The following PLXNA2 variants were observed in gnomAD, a reference collection of about 807,000 sequenced individuals.
PLXNA2 encodes the protein plexin A2.
In PLXNA2, 91 loss-of-function variants were observed where a neutral mutation model predicts 193.5. The ratio of observed to expected loss-of-function variants is 0.47; its 90% confidence interval spans 0.40 to 0.56. The LOEUF is 0.56. Ranked by LOEUF, PLXNA2 falls within the 20% of genes least tolerant of loss-of-function variation. The pLI, the probability that PLXNA2 is intolerant of heterozygous loss-of-function variation, is 0.00. For missense variants in PLXNA2, 1,995 were observed against 2,503.2 expected (o/e 0.80, Z 4.33); for synonymous variants, 997 against 1,027.3 (o/e 0.97, Z 0.56).
chr1:208,033,769 C>A (rs1224716588), intron 27 of PLXNA2, among the ~76,000 whole-genome samples: 1 of 152,100 alleles, frequency 6.6e-6, no homozygotes, highest in Non-Finnish European at 1.5e-5. Context: ...TTTGGGAGTC[C>A]CCTCTACTCT....
rs751893998 is a variant in PLXNA2, at chr1:208,168,723, G to GTTTTTTTTTTTTTTTTTTTTTTTT, written c.1372-26261_1372-26260insAAAAAAAAAAAAAAAAAAAAAAAA. Among the ~76,000 whole-genome samples, 10 of 102,238 alleles carry GTTTTTTTTTTTTTTTTTTTTTTTT rather than the reference G, an allele frequency of 9.8e-5. 3 individuals are homozygous for GTTTTTTTTTTTTTTTTTTTTTTTT. The East Asian group carries it at 1.2e-3, about 12-fold the overall frequency. 67.1% of individuals were successfully genotyped at this position (102,238 alleles called of 152,430 possible). A position where few individuals can be genotyped will look rare whatever the true frequency, so the allele number is the denominator to read the frequency against. ...CAAAAAGAAGACAAAGAGTATGCGG[G>GTTTTTTTTTTTTTTTTTTTTTTTT]GTTTTTTTTTTTTTTTTTTTTTTTT... is the stretch of plus-strand genomic sequence containing the variant. On this transcript the variant is annotated intron_variant, in intron 3 of 31. Transcript: ENST00000367033.
chr1:208,103,580 G>A (rs1457812094), intron 4 of PLXNA2, among the ~76,000 whole-genome samples: 1 of 152,220 alleles, frequency 6.6e-6, no homozygotes, highest in Non-Finnish European at 1.5e-5. Flanking sequence ...TCTGTTGAAA[G>A]GCTATTGAGT....
intron 5 of PLXNA2, among the ~76,000 whole-genome samples, chr1:208,099,336 C>T (rs529812368): frequency 2.0e-5 from 3 of 152,256 alleles, no homozygotes; most frequent in Admixed American, 6.5e-5. Flanking sequence ...AGTGCGGGAG[C>T]GGGCCTGAGC....
chr1:208,118,548 G>T (rs921081765), intron 4 of PLXNA2, among the ~76,000 whole-genome samples: 13 of 152,176 alleles, frequency 8.5e-5, no homozygotes, highest in African/African-American at 2.9e-4. Context: ...TCCTGCCTGG[G>T]CAATCAACGG....
At chr1:208,130,548 C>A (rs1401205030) in intron 4 of PLXNA2, among the ~76,000 whole-genome samples, 1 of 152,208 alleles carries the variant, frequency 6.6e-6, no homozygotes, top group Non-Finnish European at 1.5e-5. Flanking sequence ...ATTCCATACA[C>A]ATTCATGGCT....
At chr1:208,233,752 TGA>T (rs1215688064) in intron 1 of PLXNA2, among the ~76,000 whole-genome samples, 2 of 152,230 alleles carry the variant, frequency 1.3e-5, no homozygotes, top group African/African-American at 4.8e-5. Context: ...CTGTGAATGC[TGA>T]GTCTATAGAG....
rs1671144150 is a variant in PLXNA2, at chr1:208,216,815, G to A, written c.1108C>T (p.Arg370Cys). 2.3e-5 allele frequency: 37 copies of A among 1,614,050 alleles called. No homozygotes were observed. The highest frequency in any genetic ancestry group is 3.1e-5 in the Non-Finnish European group (36 of 1,180,044). ...TCGCCCTGGTAGCAGGACTGCAGGC[G>A]CTCCTTGATCTGCAAGTTGATGGCC... Reference protein sequence around the residue: ...IRAINLQIKERLQSCYQGEGN... With the variant: ...IRAINLQIKECLQSCYQGEGN... The change falls in exon 2 of 32, where the codon CGC becomes TGC. Residue 370 changes from arginine (R) to cysteine (C), a missense_variant. Arg to Cys is a radical substitution (Grantham distance 180). Around this residue, in one of 3 missense-constraint regions of PLXNA2, gnomAD observed 702 missense variants for 812.9 expected, o/e 0.86. Coordinates refer to ENST00000367033, the MANE Select transcript of PLXNA2 (RefSeq NM_025179.4).
chr1:208,095,613 A>G, intron 8 of PLXNA2, among the ~76,000 whole-genome samples: 1 of 151,982 alleles, frequency 6.6e-6, no homozygotes, highest in African/African-American at 2.4e-5. Context: ...GACTGTGTGC[A>G]TAGCCGAGTC....
At position 208,028,871 on chromosome 1, in the gene PLXNA2, G is replaced by A. The variant is rs894748074; in HGVS notation, c.5397C>T (p.Leu1799=). 2 of 1,614,194 alleles carry A rather than the reference G, an allele frequency of 1.2e-6. No individual in the cohort carries two copies. Among genetic ancestry groups the A allele is most frequent in the South Asian group, 1.1e-5 (1 of 91,080 alleles). The stretch of plus-strand genomic sequence containing the variant: ...TGTAGCTGGGGATGTCCTTGGCATA[G>A]AGCAGCTTGTTGGAGGGGGAGTCCT... The part of the protein sequence containing the change: ...LGKDSPSNKL[L]YAKDIPSYKS... The change falls in exon 30 of 32, where the codon CTC becomes CTT. Residue 1799 remains leucine (L), a synonymous_variant. Coordinates refer to ENST00000367033, the MANE Select transcript of PLXNA2 (RefSeq NM_025179.4). The surrounding 1 kb of genome is among the most constrained non-coding windows in gnomAD (Gnocchi z 4.2).
rs1483941649 is a variant in PLXNA2, at chr1:208,038,715, C to T, written c.4660+110G>A. 1.7e-6 allele frequency: 2 copies of T among 1,185,160 alleles called. No homozygotes were observed. The highest frequency in any genetic ancestry group is 3.8e-5 in the Admixed American group (2 of 52,332). 73.4% of individuals were successfully genotyped at this position (1,185,160 alleles called of 1,614,324 possible). A position where few individuals can be genotyped will look rare whatever the true frequency, so the allele number is the denominator to read the frequency against. The stretch of plus-strand genomic sequence containing the variant: ...CAAAGCGGGAAGCATTTCACACGGG[C>T]CTCAGCTGGCCAGGACACAGTCATG... On this transcript the variant is annotated intron_variant, in intron 25 of 31. Transcript: ENST00000367033. The surrounding 1 kb of genome is among the most constrained non-coding windows in gnomAD (Gnocchi z 4.1).
intron 4 of PLXNA2, among the ~76,000 whole-genome samples, chr1:208,117,666 G>A (rs1379346792): frequency 6.6e-6 from 1 of 152,202 alleles, no homozygotes; most frequent in Non-Finnish European, 1.5e-5. Context: ...AGCCCTGTAA[G>A]AGTCAGAAAT....
chr1:208,031,634 G>C lies in PLXNA2; in HGVS notation c.5181C>G (p.His1727Gln). 1 of 1,614,026 alleles carries C rather than the reference G, an allele frequency of 6.2e-7. No homozygotes were observed. Among genetic ancestry groups the C allele is most frequent in the Non-Finnish European group, 8.5e-7 (1 of 1,180,002 alleles). Reference protein sequence around the residue: ...FDFLDEQADRHSIHDTDVRHT... With the variant: ...FDFLDEQADRQSIHDTDVRHT... ...GCCGCACATCTGTGTCATGGATGCT[G>C]TGCCTGTCTGCCTGCTCATCTAGGA... The change falls in exon 29 of 32, where the codon CAC (histidine) becomes CAG (glutamine). Residue 1727 changes from histidine to glutamine, a missense_variant. Around this residue, in one of 3 missense-constraint regions of PLXNA2, gnomAD observed 1,291 missense variants for 1,673.6 expected, o/e 0.77. Transcript: ENST00000367033.
At chr1:208,040,107 C>G in intron 22 of PLXNA2, 49 bp from the exon 23 acceptor site, 1 of 1,462,716 alleles carries the variant, frequency 6.8e-7, no homozygotes, top group Non-Finnish European at 9.6e-7. Flanking sequence ...GAGGGGTCTC[C>G]GTGGTGGGGC....
chr1:208,093,489 G>A (rs1281746433), intron 8 of PLXNA2, among the ~76,000 whole-genome samples: 2 of 152,188 alleles, frequency 1.3e-5, no homozygotes, highest in East Asian at 3.8e-4. Flanking sequence ...CTATGCCACA[G>A]GGCTGTTTGG....
chr1:208,229,187 T>C (rs1022915361), intron 1 of PLXNA2, among the ~76,000 whole-genome samples: 1 of 152,138 alleles, frequency 6.6e-6, no homozygotes, highest in South Asian at 2.1e-4. Flanking sequence ...TAAAAACTGC[T>C]AGTTTTTAAT....
rs997417914 is a variant in PLXNA2 at position 208,238,831 on chromosome 1, G to C, written c.-81+4812C>G. Reference sequence around the variant, plus strand: ...GATGGGAAGCATGTGAAGGCCCCTCGGGGTTGGGTCAGAAACTTCTGTTGC... The same window carrying C: ...GATGGGAAGCATGTGAAGGCCCCTCCGGGTTGGGTCAGAAACTTCTGTTGC... On this transcript the variant is annotated intron_variant, in intron 1 of 31. Transcript: ENST00000367033. Among the ~76,000 whole-genome samples, 3 of 152,316 alleles carry C rather than the reference G, an allele frequency of 2.0e-5. No individual in the cohort carries two copies. The South Asian group carries it at 6.2e-4, about 32-fold the overall frequency.
chr1:208,059,983 T>C (rs866803553), intron 13 of PLXNA2, among the ~76,000 whole-genome samples: 6 of 152,132 alleles, frequency 3.9e-5, no homozygotes, highest in Non-Finnish European at 8.8e-5. Flanking sequence ...GTGTTCACAG[T>C]GGAATCAGAA....
intron 12 of PLXNA2, among the ~76,000 whole-genome samples, chr1:208,066,942 G>T (rs1266035143): frequency 6.6e-6 from 1 of 152,138 alleles, no homozygotes; most frequent in African/African-American, 2.4e-5. Context: ...ATAGAATAAG[G>T]ATATAAAGAA....
intron 4 of PLXNA2, among the ~76,000 whole-genome samples, chr1:208,113,015 A>AC (rs1053032030): frequency 2.0e-5 from 3 of 151,340 alleles, no homozygotes; most frequent in Non-Finnish European, 4.4e-5. Context: ...CAAAAAAAAA[A>AC]AAAAAAAAAC....
Sources: gnomAD v4.1 joint callset for allele counts (sites outside exome capture counted in the v4.1 genomes callset) on GRCh38, gnomAD v4.1.1 for gene constraint, gnomAD v4.1.1 regional missense constraint, Gnocchi (gnomAD v3.1) non-coding constraint, MANE v1.5 for transcripts, NCBI Gene and HGNC (gene_info 2026-07-23, HGNC 2026-07-21) for gene names.